Variants in ARHGAP30 observed in about 807,000 individuals in gnomAD.
ARHGAP30 encodes the protein Rho GTPase activating protein 30, also known as rho GTPase-activating protein 30.
Under a neutral mutation model 72.0 loss-of-function variants are expected in ARHGAP30, and 23 were observed. That is an observed-to-expected ratio of 0.32 (90% CI 0.23 to 0.45). The LOEUF is 0.45. ARHGAP30 is among the 20% of genes least tolerant of loss of function. The probability of loss-of-function intolerance (pLI) is 1.00; values close to 1 mark genes in which losing one functional copy is unlikely to be tolerated. For synonymous variants in ARHGAP30, 576 were observed against 528.2 expected (o/e 1.09, Z -1.24); for missense variants, 1,319 against 1,383.4 (o/e 0.95, Z 0.74).
At chr1:161,057,095 G>T (rs990563282) in intron 2 of ARHGAP30, among the ~76,000 whole-genome samples, 19 of 152,082 alleles carry the variant, frequency 1.2e-4, no homozygotes, top group African/African-American at 4.3e-4. Flanking sequence ...CTGATTGAGG[G>T]TCTAGCATTC....
chr1:161,067,570 A>AAAAAGAAAG (rs1553220553), intron 1 of ARHGAP30, among the ~76,000 whole-genome samples: 1 of 148,958 alleles, frequency 6.7e-6, no homozygotes, highest in Non-Finnish European at 1.5e-5. Context: ...TCCATCTCAA[A>AAAAAGAAAG]AAAGAAAGAA....
At chr1:161,064,820 AAAGAAAGAAAGAG>A (rs1652607985) in intron 1 of ARHGAP30, among the ~76,000 whole-genome samples, 1 of 60,748 alleles carries the variant, frequency 1.6e-5, no homozygotes, top group African/African-American at 1.1e-4. Context: ...AGAAAGAAAG[AAAGAAAGAAAGAG>A]AAAGAAAGAA....
At chr1:161,062,556 C>G (rs1370552940) in intron 1 of ARHGAP30, among the ~76,000 whole-genome samples, 1 of 151,880 alleles carries the variant, frequency 6.6e-6, no homozygotes, top group Non-Finnish European at 1.5e-5. Context: ...TAGCAAAACC[C>G]CGTCTCTACT....
Position 161,056,467 on chromosome 1 carries a change from C to A in ARHGAP30, c.266G>T (p.Cys89Phe). Residue 89 changes from cysteine to phenylalanine, a missense_variant, in exon 3 of 12, where the codon TGC becomes TTC. This residue lies in a region of ARHGAP30 where 222 missense variants were observed against 338.2 expected (regional missense o/e 0.66). Transcript: ENST00000368013. ...RRDVYLQDIHCVSSLCKAYFR... is the reference protein window; with the variant it reads ...RRDVYLQDIHFVSSLCKAYFR... ...ATAGGCCTTGCACAGGGAGGAGACG[C>A]AGTGAATGTCTTGGAGGTAAACATC... 6.2e-7 allele frequency: 1 copy of A among 1,614,022 alleles called. No individual in the cohort carries two copies. The highest frequency in any genetic ancestry group is 8.5e-7 in the Non-Finnish European group (1 of 1,179,994).
Position 161,048,776 on chromosome 1 carries a change from C to A in ARHGAP30, c.2245G>T (p.Glu749Ter). The A allele has an allele frequency of 3.7e-6, 6 of 1,614,126 alleles. No homozygotes were observed. Among genetic ancestry groups the A allele is most frequent in the Non-Finnish European group, 5.1e-6 (6 of 1,180,024 alleles). Residue 749 changes from glutamate (E) to a stop codon, truncating the protein, a stop_gained, in exon 12 of 12, where the codon GAA becomes TAA. Transcript: ENST00000368013. LOFTEE classifies it low-confidence loss of function (END_TRUNC). ...TGTTCATCCTCTTCTCTCTCAATTTCTTTTTCCTTCTCATCTGTATACTCA... is the reference window on the plus strand; with the variant it reads ...TGTTCATCCTCTTCTCTCTCAATTTATTTTTCCTTCTCATCTGTATACTCA... ...GDEYTDEKEK[E>*]IEREEDEQRE...
intron 1 of ARHGAP30, chr1:161,060,187 G>T: frequency 2.2e-6 from 1 of 451,976 alleles, no homozygotes; most frequent in South Asian, 1.6e-5. Flanking sequence ...AGGCTGATAT[G>T]GGAGGATCAC....
intron 3 of ARHGAP30, among the ~76,000 whole-genome samples, chr1:161,055,193 G>C (rs564242242): frequency 1.2e-4 from 19 of 152,116 alleles, no homozygotes; most frequent in Non-Finnish European, 2.6e-4. Context: ...ATGTGTTTTC[G>C]CATTTAAAAG....
chr1:161,050,176 T>C (rs1437128795), intron 10 of ARHGAP30, among the ~76,000 whole-genome samples: 1 of 152,086 alleles, frequency 6.6e-6, no homozygotes, highest in Non-Finnish European at 1.5e-5. Context: ...CCTAAATCAA[T>C]TGCAAATTGA....
Position 161,048,318 on chromosome 1 carries a change from C to T in ARHGAP30, c.2703G>A (p.Glu901=), listed in dbSNP as rs755329357. ...GACAGCCGTCTGGACTGGGCTGCCC[C>T]TCAGGCTCCATCTCCTCTGGCTGAG... ...QPPQPEEMEP[E]GQPSPDGCLC... Residue 901 remains glutamate, a synonymous_variant, in exon 12 of 12, where the codon GAG becomes GAA. Transcript: ENST00000368013. 2 of 1,614,080 alleles carry T rather than the reference C, an allele frequency of 1.2e-6. No individual in the cohort carries two copies. Among genetic ancestry groups the T allele is most frequent in the African/African-American group, 2.7e-5 (2 of 74,948 alleles).
intron 1 of ARHGAP30, among the ~76,000 whole-genome samples, chr1:161,068,202 A>G (rs937110783): frequency 1.3e-5 from 2 of 152,214 alleles, no homozygotes; most frequent in Non-Finnish European, 2.9e-5. Flanking sequence ...ATCATCCCCA[A>G]TTAAATCTCA....
At chr1:161,053,202 G>A in intron 6 of ARHGAP30, 56 bp downstream of exon 6, 1 of 1,604,384 alleles carries the variant, frequency 6.2e-7, no homozygotes, top group Non-Finnish European at 8.5e-7. Flanking sequence ...AAGGCTCTCT[G>A]TAACTAACTT....
chr1:161,054,322 A>G (rs745896664), intron 5 of ARHGAP30, 44 bp downstream of exon 5: 3 of 1,558,622 alleles, frequency 1.9e-6, no homozygotes, highest in Non-Finnish European at 2.6e-6. Flanking sequence ...CCCAAAGGCC[A>G]GTGTCTCACA....
rs150456146 is a variant in ARHGAP30 at position 161,048,532 on chromosome 1, C to T, written c.2489G>A (p.Gly830Glu). The change falls in exon 12 of 12, where the codon GGA (glycine) becomes GAA (glutamate). Residue 830 changes from glycine (G) to glutamate (E), a missense_variant. By Grantham distance (98) the Gly-to-Glu change is moderately conservative (BLOSUM62 -2). Around this residue, in one of 2 missense-constraint regions of ARHGAP30, gnomAD observed 1,097 missense variants for 1,045.2 expected, o/e 1.05. Transcript: ENST00000368013. The stretch of plus-strand genomic sequence containing the variant: ...CCGTTCCTTGCTGACCTCCCCTGCT[C>T]CTCCTTCAGTTGCTGCTTCTGGGCT... ...SRSPEAATEG[G>E]AGEVSKERES... is the part of the protein sequence containing the mutation. 2.5e-6 allele frequency: 4 copies of T among 1,614,028 alleles called. No homozygotes were observed. The highest frequency in any genetic ancestry group is 2.7e-5 in the African/African-American group (2 of 74,904).
intron 1 of ARHGAP30, among the ~76,000 whole-genome samples, chr1:161,060,491 G>C (rs1373525961): frequency 6.6e-6 from 1 of 151,586 alleles, no homozygotes; most frequent in Non-Finnish European, 1.5e-5. Context: ...CAGCTACTTG[G>C]GAGGCTGAGG....
In ARHGAP30 at chr1:161,069,550, G is replaced by A. The variant is rs1173521863; in HGVS notation, c.75C>T (p.His25=). The change falls in exon 1 of 12, where the codon CAC becomes CAT. Residue 25 remains histidine, a synonymous_variant. Transcript: ENST00000368013. This position sits in a 1 kb window ranked among gnomAD's most constrained non-coding sequence, Gnocchi z 4.9. ...TACCCTCCTGGCCTGAGTGCTGCAG[G>A]TGCTCCTGCAAGTCGCACCCAAAAA... ...ERVFGCDLQE[H]LQHSGQEVPQ... 4 of 1,611,054 alleles carry A rather than the reference G, an allele frequency of 2.5e-6. No individual in the cohort carries two copies. Among genetic ancestry groups the A allele is most frequent in the Admixed American group, 3.3e-5 (2 of 60,030 alleles).
At chr1:161,064,767 AAG>A (rs1293306431) in intron 1 of ARHGAP30, among the ~76,000 whole-genome samples, 1 of 118,366 alleles carries the variant, frequency 8.4e-6, no homozygotes, top group African/African-American at 3.3e-5. Flanking sequence ...AAGAGAAAGA[AAG>A]AAAGAAAGAA....
intron 1 of ARHGAP30, among the ~76,000 whole-genome samples, chr1:161,062,558 G>A (rs1230455865): frequency 3.3e-5 from 5 of 151,690 alleles, no homozygotes; most frequent in South Asian, 2.1e-4. Context: ...GCAAAACCCC[G>A]TCTCTACTAA....
In ARHGAP30 at chr1:161,067,570, A is replaced by AAAAGAAAGAAAGAAAG. The variant is rs60677751; in HGVS notation, c.97+1942_97+1957dup. The stretch of plus-strand genomic sequence containing the variant: ...GGGACAGAGCAAGACTCCATCTCAA[A>AAAAGAAAGAAAGAAAG]AAAGAAAGAAAGAAAGAAAGAAAGA... On this transcript the variant is annotated intron_variant, in intron 1 of 11. Transcript: ENST00000368013. 8.9e-3 allele frequency among the ~76,000 whole-genome samples: 1,323 copies of AAAAGAAAGAAAGAAAG among 149,054 alleles called. 11 individuals carry two copies. The highest frequency in any genetic ancestry group is 0.012 in the Non-Finnish European group (837 of 67,314).
At chr1:161,050,254 G>A (rs1210304089) in intron 10 of ARHGAP30, among the ~76,000 whole-genome samples, 1 of 146,090 alleles carries the variant, frequency 6.8e-6, no homozygotes, top group Non-Finnish European at 1.5e-5. Flanking sequence ...AAGATTATGA[G>A]AAAATGAAAC....
Sources: gnomAD v4.1 joint callset for allele counts (sites outside exome capture counted in the v4.1 genomes callset) on GRCh38, gnomAD v4.1.1 for gene constraint, gnomAD v4.1.1 regional missense constraint, Gnocchi (gnomAD v3.1) non-coding constraint, MANE v1.5 for transcripts, NCBI Gene and HGNC (gene_info 2026-07-23, HGNC 2026-07-21) for gene names.